The following CAST variants were observed in gnomAD, a reference collection of about 807,000 sequenced individuals.
The protein encoded by CAST is MIR583 host.
Under a neutral mutation model 119.6 loss-of-function variants are expected in CAST, and 76 were observed. The observed-to-expected ratio is 0.64, with a 90% CI of 0.53 to 0.77. The LOEUF (loss-of-function observed/expected upper bound fraction) is 0.77. CAST is among the 30% of genes least tolerant of loss of function. The pLI is 0.00. For synonymous variants in CAST, 319 were observed against 331.6 expected, an observed-to-expected ratio of 0.96 and a Z score of 0.41; for missense variants, 953 against 946.5, an observed-to-expected ratio of 1.01 and a Z score of -0.09.
At chr5:95,965,521 C>T in the CAST span, among the ~76,000 whole-genome samples, 6 of 152,198 alleles carry the variant, frequency 3.9e-5, no homozygotes, top group African/African-American at 1.4e-4. Flanking sequence ...GCAATGGCTT[C>T]TGTTACAAAA....
At chr5:96,532,685 G>A (rs2163963) in intron 1 of CAST, among the ~76,000 whole-genome samples, 93,670 of 151,952 alleles carry the variant, frequency 0.62, 29,229 homozygotes, top group East Asian at 0.86. Flanking sequence ...TCCTGTCTCT[G>A]CTAAAAATAC....
At chr5:96,702,953 CGTGCTCCCGGGTCTAGGGCCT>C in intron 3 of CAST, 2 of 985,522 alleles carry the variant, frequency 2.0e-6, no homozygotes, top group Non-Finnish European at 2.4e-6. Flanking sequence ...CCAGGCCGCG[CGTGCTCCCGGGTCTAGGGCCT>C]GTGCCCCCGG....
At chr5:96,226,856 A>G in the CAST span, among the ~76,000 whole-genome samples, 2 of 152,182 alleles carry the variant, frequency 1.3e-5, no homozygotes, top group Admixed American at 1.3e-4. Flanking sequence ...AAATAACAGC[A>G]TTTACAATGT....
chr5:96,524,456 G>A (rs944721258), upstream of CAST, among the ~76,000 whole-genome samples: 2 of 152,166 alleles, frequency 1.3e-5, no homozygotes, highest in African/African-American at 4.8e-5. Flanking sequence ...AAGGGGTCAG[G>A]GACTCAGCAT....
the CAST span, among the ~76,000 whole-genome samples, chr5:96,208,373 T>G: frequency 4.6e-5 from 7 of 151,990 alleles, no homozygotes; most frequent in Admixed American, 4.6e-4. Flanking sequence ...GCTTTAGGAT[T>G]GGTTTGCTCT....
At chr5:96,011,263 G>A in the CAST span, among the ~76,000 whole-genome samples, 6 of 152,184 alleles carry the variant, frequency 3.9e-5, no homozygotes, top group South Asian at 2.1e-4. Context: ...GCTATATAAT[G>A]TAATTACCAA....
the CAST span, among the ~76,000 whole-genome samples, chr5:96,041,339 C>A: frequency 1.3e-5 from 2 of 152,068 alleles, no homozygotes; most frequent in Non-Finnish European, 2.9e-5. Context: ...AAACATCAGA[C>A]AAGTTCTGAT....
the CAST span, among the ~76,000 whole-genome samples, chr5:96,255,968 T>A: frequency 6.6e-6 from 1 of 152,126 alleles, no homozygotes; most frequent in South Asian, 2.1e-4. Flanking sequence ...AGGTTTAAAC[T>A]TTTTTGGAAC....
chr5:96,172,808 G>A, the CAST span, among the ~76,000 whole-genome samples: 85 of 152,328 alleles, frequency 5.6e-4, 1 homozygote, highest in African/African-American at 1.9e-3. Flanking sequence ...TAGAGGCCAT[G>A]CTTCCAGGAA....
At chr5:96,262,118 C>T in the CAST span, among the ~76,000 whole-genome samples, 1 of 152,192 alleles carries the variant, frequency 6.6e-6, no homozygotes. Flanking sequence ...TTGTGATGAA[C>T]TAGAAGCTAA....
the CAST span, among the ~76,000 whole-genome samples, chr5:96,193,123 G>A: frequency 6.6e-6 from 1 of 152,054 alleles, no homozygotes; most frequent in Non-Finnish European, 1.5e-5. Context: ...TGTCAATATA[G>A]TTTAAGCATA....
chr5:96,273,873 G>A, the CAST span, among the ~76,000 whole-genome samples: 4 of 152,068 alleles, frequency 2.6e-5, no homozygotes, highest in African/African-American at 9.7e-5. Flanking sequence ...ACAGGGCACC[G>A]AGGCTTGATC....
chr5:96,459,010 G>A, the CAST span, among the ~76,000 whole-genome samples: 75 of 152,110 alleles, frequency 4.9e-4, no homozygotes, highest in African/African-American at 1.7e-3. Flanking sequence ...TTTGAAGGTA[G>A]AGACTAAATG....
At chr5:96,315,051 C>T in the CAST span, among the ~76,000 whole-genome samples, 38 of 152,268 alleles carry the variant, frequency 2.5e-4, no homozygotes, top group African/African-American at 8.9e-4. Flanking sequence ...ATTCCTCTCA[C>T]CCTCACGCAA....
At chr5:95,990,841 T>A in the CAST span, among the ~76,000 whole-genome samples, 1 of 152,022 alleles carries the variant, frequency 6.6e-6, no homozygotes, top group Non-Finnish European at 1.5e-5. Context: ...AGGGCTCAAG[T>A]GATACTCCCA....
chr5:96,392,971 A>G, the CAST span: 4 of 1,612,636 alleles, frequency 2.5e-6, no homozygotes, highest in Non-Finnish European at 3.4e-6. Context: ...AGAAGCATGA[A>G]TATTTCCAAC....
At chr5:96,271,119 TA>T in the CAST span, among the ~76,000 whole-genome samples, 5 of 151,998 alleles carry the variant, frequency 3.3e-5, no homozygotes, top group Non-Finnish European at 7.4e-5. Context: ...AAACACTGAT[TA>T]AAGAAATTGA....
the CAST span, among the ~76,000 whole-genome samples, chr5:96,010,071 T>C: frequency 1.3e-5 from 2 of 152,184 alleles, no homozygotes; most frequent in Non-Finnish European, 2.9e-5. Context: ...ATTGCTTGTT[T>C]TTGTCAGCCT....
At chr5:96,034,771 A>G in the CAST span, among the ~76,000 whole-genome samples, 2 of 150,100 alleles carry the variant, frequency 1.3e-5, no homozygotes, top group South Asian at 4.2e-4. Context: ...CCCAACACCC[A>G]CTCCAACCAC....
Sources: gnomAD v4.1 joint callset for allele counts (sites outside exome capture counted in the v4.1 genomes callset) on GRCh38, gnomAD v4.1.1 for gene constraint, MANE v1.5 for transcripts, NCBI Gene and HGNC (gene_info 2026-07-23, HGNC 2026-07-21) for gene names.